ZNF385D: variants seen among roughly 807,000 people sequenced by gnomAD.
The protein encoded by ZNF385D is zinc finger protein 659.
Under a neutral mutation model 35.8 loss-of-function variants are expected in ZNF385D, and 15 were observed. The observed-to-expected ratio is 0.42, with a 90% CI of 0.28 to 0.64. The LOEUF (loss-of-function observed/expected upper bound fraction) is 0.64. Among genes scored for constraint, ZNF385D ranks in the 30% least tolerant of loss-of-function variants. ZNF385D has a pLI of 0.23. For missense variants in ZNF385D, 474 were observed against 494.6 expected (o/e 0.96, Z 0.39); for synonymous variants, 212 against 186.8 (o/e 1.13, Z -1.10).
intron 3 of ZNF385D, among the ~76,000 whole-genome samples, chr3:21,982,748 G>C (rs1694550508): frequency 6.6e-6 from 1 of 151,918 alleles, no homozygotes; most frequent in Non-Finnish European, 1.5e-5. Context: ...ATTATTTTGA[G>C]GTATGTTTCT....
At chr3:21,548,123 T>C (rs1289662414) in intron 3 of ZNF385D, among the ~76,000 whole-genome samples, 1 of 152,122 alleles carries the variant, frequency 6.6e-6, no homozygotes, top group African/African-American at 2.4e-5. Flanking sequence ...GCCCCATTTC[T>C]CTTTTCACCC....
At chr3:22,262,105 T>C (rs1700663260) in intron 2 of ZNF385D, among the ~76,000 whole-genome samples, 1 of 151,996 alleles carries the variant, frequency 6.6e-6, no homozygotes, top group South Asian at 2.1e-4. Flanking sequence ...TTTTTGGTGT[T>C]TTCAAATGTT....
chr3:21,806,200 A>T (rs559799051), intron 3 of ZNF385D, among the ~76,000 whole-genome samples: 18 of 147,036 alleles, frequency 1.2e-4, no homozygotes, highest in East Asian at 6.0e-4. Flanking sequence ...TTTTTTTTTT[A>T]AATTTCTTAT....
In ZNF385D at chr3:21,682,276, A is replaced by G. The variant is rs531068283; in HGVS notation, c.23-17248T>C. ...GGCTAAGTATGTTGAAAATCTAATA[A>G]CTTATGAAAGATGTACACAACCTGG... is the stretch of plus-strand genomic sequence containing the variant. On this transcript the variant is annotated intron_variant, in intron 1 of 7. Transcript: ENST00000281523. 4.8e-4 allele frequency among the ~76,000 whole-genome samples: 66 copies of G among 136,366 alleles called. 3 individuals are homozygous for G. The highest frequency in any genetic ancestry group is 2.9e-3 in the South Asian group (12 of 4,156). 89.5% of individuals were successfully genotyped at this position (136,366 alleles called of 152,430 possible). A position where few individuals can be genotyped will look rare whatever the true frequency, so the allele number is the denominator to read the frequency against.
chr3:21,865,045 C>CTTT (rs3073907), intron 3 of ZNF385D, among the ~76,000 whole-genome samples: 655 of 21,192 alleles, frequency 0.031, 102 homozygotes, highest in South Asian at 0.045. Context: ...ACAGGGAAGA[C>CTTT]TTTTTTTTTT....
At chr3:21,845,367 G>C (rs181033732) in intron 3 of ZNF385D, among the ~76,000 whole-genome samples, 4 of 151,966 alleles carry the variant, frequency 2.6e-5, no homozygotes, top group Admixed American at 6.6e-5. Context: ...ATAAAAGCAC[G>C]AAGTACACAG....
At chr3:21,806,127 G>A (rs760875546) in intron 3 of ZNF385D, among the ~76,000 whole-genome samples, 4 of 151,802 alleles carry the variant, frequency 2.6e-5, no homozygotes, top group African/African-American at 4.8e-5. Context: ...CTTGCCTGCC[G>A]GACTACCTGC....
chr3:21,888,388 T>C (rs148715932), intron 3 of ZNF385D, among the ~76,000 whole-genome samples: 48 of 151,914 alleles, frequency 3.2e-4, no homozygotes, highest in African/African-American at 9.9e-4. Context: ...TAGCACTGAA[T>C]TGAAGTTGGA....
chr3:22,165,158 T>C (rs1229039640), intron 3 of ZNF385D, among the ~76,000 whole-genome samples: 1 of 152,170 alleles, frequency 6.6e-6, no homozygotes, highest in Non-Finnish European at 1.5e-5. Flanking sequence ...CTATAGACTT[T>C]GGGTGATAGT....
chr3:21,564,330 AAAT>A (rs2063064095), intron 3 of ZNF385D, among the ~76,000 whole-genome samples: 1 of 152,152 alleles, frequency 6.6e-6, no homozygotes, highest in Admixed American at 6.6e-5. Flanking sequence ...AAAAATAAAT[AAAT>A]AAATAAAAAT....
intron 3 of ZNF385D, among the ~76,000 whole-genome samples, chr3:22,011,789 G>T (rs259449): frequency 0.82 from 124,207 of 152,086 alleles, 51,882 homozygotes; most frequent in African/African-American, 0.95. Flanking sequence ...GTATCTTACC[G>T]AAGATCACAT....
chr3:22,326,979 C>A (rs1018171865), intron 2 of ZNF385D, among the ~76,000 whole-genome samples: 2 of 152,158 alleles, frequency 1.3e-5, no homozygotes, highest in African/African-American at 4.8e-5. Context: ...GTTCCAAGGT[C>A]TATTGCTTTG....
At chr3:22,230,125 C>G (rs2125295958) in intron 2 of ZNF385D, among the ~76,000 whole-genome samples, 1 of 152,254 alleles carries the variant, frequency 6.6e-6, no homozygotes, top group South Asian at 2.1e-4. Context: ...GGATTCACCA[C>G]TAGGATGGTT....
At chr3:22,188,734 G>A (rs904548544) in intron 2 of ZNF385D, among the ~76,000 whole-genome samples, 3 of 152,152 alleles carry the variant, frequency 2.0e-5, no homozygotes, top group Non-Finnish European at 4.4e-5. Context: ...ACAGGCATGA[G>A]CCACCGCGCC....
At chr3:21,532,884 T>A (rs9310650) in intron 3 of ZNF385D, among the ~76,000 whole-genome samples, 50,956 of 151,996 alleles carry the variant, frequency 0.34, 8,584 homozygotes, top group African/African-American at 0.37. Context: ...CAAAGACAAA[T>A]AGCTTCTAAA....
intron 2 of ZNF385D, among the ~76,000 whole-genome samples, chr3:22,294,033 C>CT (rs149965185): frequency 0.15 from 22,813 of 148,536 alleles, 2,924 homozygotes; most frequent in African/African-American, 0.36. Flanking sequence ...TTTACTGATG[C>CT]TTTTTTTTTT....
At chr3:21,786,013 T>C (rs796339160) in intron 3 of ZNF385D, among the ~76,000 whole-genome samples, 24 of 133,030 alleles carry the variant, frequency 1.8e-4, no homozygotes, top group African/African-American at 6.1e-4. Flanking sequence ...CAAGTGCTGT[T>C]ACTTTACCCT....
Position 21,616,473 on chromosome 3 carries a change from G to C in ZNF385D, c.165+48413C>G, listed in dbSNP as rs111376035. Among the ~76,000 whole-genome samples the C allele has an allele frequency of 1.5e-3, 223 of 152,260 alleles. 4 individuals are homozygous for C. The highest frequency in any genetic ancestry group is 4.9e-3 in the African/African-American group (204 of 41,560). On this transcript the variant is annotated intron_variant, in intron 2 of 7. Coordinates refer to ENST00000281523, the MANE Select transcript of ZNF385D (RefSeq NM_024697.3). The stretch of plus-strand genomic sequence containing the variant: ...TTTCCTTGCGGGAGAATTTTTGAAG[G>C]AGGTTGGGGGACCTTCTACTATTAT...
At chr3:21,968,298 G>A (rs1421911178) in intron 3 of ZNF385D, among the ~76,000 whole-genome samples, 1 of 152,140 alleles carries the variant, frequency 6.6e-6, no homozygotes, top group Non-Finnish European at 1.5e-5. Context: ...GGGCTAAAGG[G>A]CTCTGGGGTT....
Sources: allele counts gnomAD v4.1 joint callset (sites outside exome capture counted in the v4.1 genomes callset), GRCh38; gene constraint gnomAD v4.1.1; transcripts MANE v1.5; gene names NCBI Gene and HGNC (gene_info 2026-07-23, HGNC 2026-07-21).